OSBP: variants seen among roughly 807,000 people sequenced by gnomAD.
OSBP encodes the protein oxysterol binding protein.
OSBP carries 32 observed loss-of-function variants against 96.6 expected under a neutral mutation model. The ratio of observed to expected loss-of-function variants is 0.33; its 90% CI spans 0.25 to 0.45. The LOEUF is 0.45. Among genes scored for constraint, OSBP ranks in the 20% least tolerant of loss-of-function variants. The pLI is 1.00. For synonymous variants in OSBP, 369 were observed against 389.6 expected (o/e 0.95, Z 0.62); for missense variants, 653 against 1,029.7 (o/e 0.63, Z 5.01).
intron 9 of OSBP, among the ~76,000 whole-genome samples, chr11:59,584,969 G>A (rs565788450): frequency 5.9e-5 from 9 of 152,180 alleles, no homozygotes; most frequent in Non-Finnish European, 1.0e-4. Context: ...GTGCAGTGGC[G>A]TGATCTCGGC....
intron 3 of OSBP, among the ~76,000 whole-genome samples, chr11:59,605,663 G>A (rs370544365): frequency 6.6e-6 from 1 of 152,174 alleles, no homozygotes; most frequent in African/African-American, 2.4e-5. Flanking sequence ...TGGGATTACA[G>A]GTGTGAGGCA....
Position 59,575,508 on chromosome 11 carries a change from T to A in OSBP, c.*1069A>T, listed in dbSNP as rs2134647802. ...ATGGGAAGGAAATCAAACCAAAAAA[T>A]TAGATTTTTCTCTACATATATATAA... is the stretch of plus-strand genomic sequence containing the variant. On this transcript the variant is annotated 3_prime_UTR_variant, in exon 14 of 14. Coordinates refer to ENST00000263847, the MANE Select transcript of OSBP (RefSeq NM_002556.3). 1 of 152,614 alleles carries A rather than the reference T, an allele frequency of 6.6e-6. No individual in the cohort carries two copies. Among genetic ancestry groups the A allele is most frequent in the East Asian group, 1.9e-4 (1 of 5,184 alleles). The allele number at this position is 152,614 out of a possible 1,614,324, so 9.5% of individuals were successfully genotyped here. A position where few individuals can be genotyped will look rare whatever the true frequency, so the allele number is the denominator to read the frequency against.
chr11:59,586,493 T>C (rs1184705572), intron 9 of OSBP, among the ~76,000 whole-genome samples: 1 of 152,208 alleles, frequency 6.6e-6, no homozygotes, highest in Non-Finnish European at 1.5e-5. Context: ...CAAAGCAATC[T>C]ACAGATTCAA....
At chr11:59,606,365 A>G (rs1696661539) in intron 3 of OSBP, among the ~76,000 whole-genome samples, 1 of 152,014 alleles carries the variant, frequency 6.6e-6, no homozygotes, top group African/African-American at 2.4e-5. Flanking sequence ...AAAAAACAAT[A>G]TCATGTCCTT....
At chr11:59,581,164 G>C (rs1306762674) in intron 10 of OSBP, among the ~76,000 whole-genome samples, 2 of 152,178 alleles carry the variant, frequency 1.3e-5, no homozygotes, top group African/African-American at 4.8e-5. Flanking sequence ...AAAGGATTAA[G>C]AGTTGGGGCC....
At chr11:59,586,958 G>A (rs186637152) in intron 9 of OSBP, among the ~76,000 whole-genome samples, 3 of 152,160 alleles carry the variant, frequency 2.0e-5, no homozygotes, top group Admixed American at 2.0e-4. Context: ...ACAACATTGG[G>A]TTTGGCAATA....
chr11:59,613,371 A>G (rs1590681076), intron 1 of OSBP, among the ~76,000 whole-genome samples: 1 of 152,354 alleles, frequency 6.6e-6, no homozygotes, highest in South Asian at 2.1e-4. Flanking sequence ...ACTTAAAGAG[A>G]CAGCAACATG....
At chr11:59,608,347 T>C in intron 3 of OSBP, 137 bp downstream of exon 3, 3 of 1,017,246 alleles carry the variant, frequency 2.9e-6, no homozygotes, top group Non-Finnish European at 4.5e-6. Context: ...GTAAACAATG[T>C]AACTTAAAGC....
rs549960486 is a variant in OSBP, at chr11:59,574,527, A to C, written c.*2050T>G. The C allele has an allele frequency of 2.6e-5, 4 of 152,712 alleles. No homozygotes were observed. In the South Asian group the frequency reaches 6.2e-4, roughly 24 times the overall value. The allele number at this position is 152,712 out of a possible 1,614,324, so 9.5% of individuals were successfully genotyped here. ...ACTTTATTCCACCTGAAAGATTCTA[A>C]ACTTCTTCCATTAGCGGGAATCTGA... On this transcript the variant is annotated 3_prime_UTR_variant, in exon 14 of 14. Coordinates refer to ENST00000263847, the MANE Select transcript of OSBP (RefSeq NM_002556.3).
intron 9 of OSBP, among the ~76,000 whole-genome samples, chr11:59,586,200 A>G (rs1007062665): frequency 7.2e-5 from 11 of 151,808 alleles, no homozygotes; most frequent in Admixed American, 6.6e-4. Flanking sequence ...AAGAAAAAAA[A>G]AAGAATTCAT....
intron 4 of OSBP, 60 bp downstream of exon 4, chr11:59,601,580 A>G: frequency 6.8e-7 from 1 of 1,480,674 alleles, no homozygotes; most frequent in South Asian, 1.1e-5. Flanking sequence ...TTCTCCTATC[A>G]ACTGCAGAAA....
intron 3 of OSBP, among the ~76,000 whole-genome samples, chr11:59,605,012 G>C (rs1443526249): frequency 6.6e-6 from 1 of 151,558 alleles, no homozygotes; most frequent in Non-Finnish European, 1.5e-5. Flanking sequence ...AATTAGTCGG[G>C]TGTGGTAGTG....
chr11:59,615,272 AG>A, intron 1 of OSBP, 30 bp downstream of exon 1: 1 of 1,552,472 alleles, frequency 6.4e-7, no homozygotes, highest in Non-Finnish European at 8.8e-7. Flanking sequence ...GGGGGAGGCA[AG>A]GTGAGCGACA....
intron 1 of OSBP, among the ~76,000 whole-genome samples, chr11:59,614,161 T>C (rs577407318): frequency 2.6e-4 from 40 of 152,340 alleles, no homozygotes; most frequent in African/African-American, 9.6e-4. Context: ...GATAAGCAAT[T>C]ATCTCTGTAA....
chr11:59,615,763 C>T lies in OSBP; in HGVS notation c.-99G>A, dbSNP rs1177919470. On this transcript the variant is annotated 5_prime_UTR_variant, in exon 1 of 14. Transcript: ENST00000263847. ...ACGGCTACCGCATCAGCCACCGCCG[C>T]GCAGCGTCCCCGCCCCGCCCGGCCA... 30 of 1,215,716 alleles carry T rather than the reference C, an allele frequency of 2.5e-5. No individual in the cohort carries two copies. The highest frequency in any genetic ancestry group is 3.3e-4 in the Middle Eastern group (1 of 3,032). 75.3% of individuals were successfully genotyped at this position (1,215,716 alleles called of 1,614,324 possible). A position where few individuals can be genotyped will look rare whatever the true frequency, so the allele number is the denominator to read the frequency against.
intron 7 of OSBP, among the ~76,000 whole-genome samples, chr11:59,596,301 C>T (rs1485404189): frequency 2.6e-5 from 4 of 152,106 alleles, no homozygotes; most frequent in East Asian, 1.9e-4. Flanking sequence ...TTAGACAATA[C>T]GAAGTAACAT....
Position 59,600,560 on chromosome 11 carries a change from C to T in OSBP, c.1247G>A (p.Ser416Asn). 6.2e-7 allele frequency: 1 copy of T among 1,613,970 alleles called. No individual in the cohort carries two copies. The highest frequency in any genetic ancestry group is 1.1e-5 in the South Asian group (1 of 91,064). ...RTRIPYKPNY[S>N]LNLWSIMKNC... is the part of the protein sequence containing the mutation. ...CTTCATGATGCTCCATAAATTGAGG[C>T]TATAGTTTGGCTTGTATGGTATTCT... The change falls in exon 7 of 14, where the codon AGC becomes AAC. Residue 416 changes from serine (S) to asparagine (N), a missense_variant. Transcript: ENST00000263847.
intron 9 of OSBP, among the ~76,000 whole-genome samples, chr11:59,583,067 T>C (rs1010436279): frequency 1.3e-5 from 2 of 152,138 alleles, no homozygotes; most frequent in Admixed American, 1.3e-4. Flanking sequence ...TCCCAGCTCT[T>C]TGGAAGGCCA....
At chr11:59,588,535 CAA>C (rs1316153377) in intron 9 of OSBP, among the ~76,000 whole-genome samples, 194 of 69,096 alleles carry the variant, frequency 2.8e-3, no homozygotes, top group Middle Eastern at 0.012. Flanking sequence ...GACTCGGTCT[CAA>C]AAAAAAAAAA....
Sources: gnomAD v4.1 joint callset for allele counts (sites outside exome capture counted in the v4.1 genomes callset) on GRCh38, gnomAD v4.1.1 for gene constraint, MANE v1.5 for transcripts, NCBI Gene and HGNC (gene_info 2026-07-23, HGNC 2026-07-21) for gene names.